The following C4orf33 variants were observed in gnomAD, a reference collection of about 807,000 sequenced individuals.
The protein encoded by C4orf33 is UPF0462 protein C4orf33.
In C4orf33, 20 loss-of-function variants were observed where a neutral mutation model predicts 24.3. That is an observed-to-expected ratio of 0.82 (90% CI 0.58 to 1.19). The LOEUF (loss-of-function observed/expected upper bound fraction) is 1.19. C4orf33 is among the 50% of genes most tolerant of loss of function. The pLI, the probability that C4orf33 is intolerant of heterozygous loss-of-function variation, is 0.00. For synonymous variants in C4orf33, 67 were observed against 76.4 expected (o/e 0.88, Z 0.64); for missense variants, 207 against 225.9 (o/e 0.92, Z 0.54).
rs115217391 is a variant in C4orf33 at position 129,096,923 on chromosome 4, T to A, written c.-10+714T>A. ...TAAATTAGACTTAAAATATATATATTTTTTTGAGACGGAGTCTTGCTCTGT... is the reference window on the plus strand; with the variant it reads ...TAAATTAGACTTAAAATATATATATATTTTTGAGACGGAGTCTTGCTCTGT... On this transcript the variant is annotated intron_variant, in intron 1 of 5. Transcript: ENST00000425929. Among the ~76,000 whole-genome samples, 1,265 of 152,192 alleles carry A rather than the reference T, an allele frequency of 8.3e-3. 14 individuals carry two copies. The highest frequency in any genetic ancestry group is 0.028 in the African/African-American group (1,158 of 41,494).
At chr4:129,102,980 A>C in intron 2 of C4orf33, 189 bp downstream of exon 2, 1 of 456,488 alleles carries the variant, frequency 2.2e-6, no homozygotes, top group Non-Finnish European at 3.8e-6. Flanking sequence ...TAACTATATA[A>C]CAAAAACAGT....
chr4:129,109,709 A>C (rs779415757), intron 5 of C4orf33, 37 bp downstream of exon 5: 1 of 1,563,158 alleles, frequency 6.4e-7, no homozygotes, highest in South Asian at 1.1e-5. Context: ...TTCCAAATAC[A>C]CGAGTTTTTT....
Position 129,109,586 on chromosome 4 carries a change from A to G in C4orf33, c.408A>G (p.Ala136=). The G allele has an allele frequency of 6.2e-7, 1 of 1,614,074 alleles. No individual in the cohort carries two copies. The highest frequency in any genetic ancestry group is 8.5e-7 in the Non-Finnish European group (1 of 1,179,930). Reference sequence around the variant, plus strand: ...ATGTGACAAAATTCAATTCATTTGCAATTCATGGATCAAAAGATAAACGAA... The same window carrying G: ...ATGTGACAAAATTCAATTCATTTGCGATTCATGGATCAAAAGATAAACGAA... ...PPNVTKFNSF[A]IHGSKDKRSY... Residue 136 remains alanine, a synonymous_variant, in exon 5 of 6, where the codon GCA becomes GCG. Coordinates refer to ENST00000425929, the MANE Select transcript of C4orf33 (RefSeq NM_001099783.2).
In C4orf33 at chr4:129,116,284, A is replaced by T. The variant is rs1050111860; in HGVS notation, c.*4493A>T. The T allele has an allele frequency of 6.6e-6, 1 of 152,230 alleles. No individual in the cohort carries two copies. The highest frequency in any genetic ancestry group is 6.5e-5 in the Admixed American group (1 of 15,278). The allele number at this position is 152,230 out of a possible 1,614,324, so 9.4% of individuals were successfully genotyped here. A position where few individuals can be genotyped will look rare whatever the true frequency, so the allele number is the denominator to read the frequency against. On this transcript the variant is annotated 3_prime_UTR_variant, in exon 6 of 6. Transcript: ENST00000425929. ...GAAATAGGAAATGCTGTCAAATGACATTTCACTTTACTACTTATTTGAATT... is the reference window on the plus strand; with the variant it reads ...GAAATAGGAAATGCTGTCAAATGACTTTTCACTTTACTACTTATTTGAATT...
At chr4:129,093,792 T>C (rs1225076537), upstream of C4orf33, 1 of 152,836 alleles carries the variant, frequency 6.5e-6, no homozygotes, top group African/African-American at 2.4e-5. Context: ...CCAACCTCTT[T>C]AAAACAAACA....
chr4:129,106,626 AT>A lies in C4orf33; in HGVS notation c.224del (p.Leu75Ter). ...AFFLNDITEQ[Y>X]LEVELCPHGQ... ...TTCTTGAATGATATAACTGAGCAAT[AT>A]TTAGAAGTTGAACTTTGTCCGTAAG... On this transcript the variant is annotated frameshift_variant, in exon 3 of 6. Coordinates refer to ENST00000425929, the MANE Select transcript of C4orf33 (RefSeq NM_001099783.2). LOFTEE classifies it high-confidence loss of function. 1 of 1,543,006 alleles carries A rather than the reference AT, an allele frequency of 6.5e-7. No individual in the cohort carries two copies. The highest frequency in any genetic ancestry group is 8.8e-7 in the Non-Finnish European group (1 of 1,130,956).
At chr4:129,106,532 A>G in intron 2 of C4orf33, 55 bp from the exon 3 acceptor site, 3 of 843,138 alleles carry the variant, frequency 3.6e-6, no homozygotes, top group Non-Finnish European at 5.7e-6. Context: ...TAAATTATTT[A>G]TTGTTGGAAA....
chr4:129,095,017 G>A (rs1391386065), upstream of C4orf33, among the ~76,000 whole-genome samples: 2 of 152,154 alleles, frequency 1.3e-5, no homozygotes, highest in Admixed American at 6.5e-5. Flanking sequence ...TAACTGATGA[G>A]TGGTATTTAC....
At position 129,116,106 on chromosome 4, in the gene C4orf33, A is replaced by G. The variant is rs918752504; in HGVS notation, c.*4315A>G. 2 of 151,944 alleles carry G rather than the reference A, an allele frequency of 1.3e-5. No individual in the cohort carries two copies. Among genetic ancestry groups the G allele is most frequent in the Admixed American group, 1.3e-4 (2 of 15,254 alleles). The allele number at this position is 151,944 out of a possible 1,614,324, so 9.4% of individuals were successfully genotyped here. On this transcript the variant is annotated 3_prime_UTR_variant, in exon 6 of 6. Transcript: ENST00000425929. ...TGTATGAGGAATATAGGAAGCCAGA[A>G]ATCATGAATCTATGAAAAGTGAGGG... is the stretch of plus-strand genomic sequence containing the variant.
Position 129,113,608 on chromosome 4 carries a change from C to T in C4orf33, c.*1817C>T, listed in dbSNP as rs1753731350. ...TGCAGTGTCAAGCAGATTCTCTCTT[C>T]TCACCACCTAAATAGATTACACAAT... On this transcript the variant is annotated 3_prime_UTR_variant, in exon 6 of 6. Coordinates refer to ENST00000425929, the MANE Select transcript of C4orf33 (RefSeq NM_001099783.2). 6.6e-6 allele frequency: 1 copy of T among 152,092 alleles called. No homozygotes were observed. Among genetic ancestry groups the T allele is most frequent in the Non-Finnish European group, 1.5e-5 (1 of 68,026 alleles). The allele number at this position is 152,092 out of a possible 1,614,324, so 9.4% of individuals were successfully genotyped here.
upstream of C4orf33, among the ~76,000 whole-genome samples, chr4:129,094,448 A>G (rs921534460): frequency 6.6e-6 from 1 of 152,234 alleles, no homozygotes; most frequent in Non-Finnish European, 1.5e-5. Flanking sequence ...GGCATGTCAT[A>G]GATGCAGCTT....
chr4:129,103,054 CTG>C (rs1308556490), intron 2 of C4orf33: 1 of 242,816 alleles, frequency 4.1e-6, no homozygotes, highest in Non-Finnish European at 7.4e-6. Flanking sequence ...GAGCTTCACT[CTG>C]TTGCCCAGGT....
rs1753628110 is a variant in C4orf33 at position 129,109,631 on chromosome 4, T to C, written c.453T>C (p.Pro151=). Residue 151 remains proline (P), a synonymous_variant, in exon 5 of 6, where the codon CCT becomes CCC. Coordinates refer to ENST00000425929, the MANE Select transcript of C4orf33 (RefSeq NM_001099783.2). ...KDKRSYEALY[P]VPQHELQQGQ... ...AACGAAGTTATGAAGCTCTTTACCC[T>C]GTACCTCAGCATGAACTGCAGCAAG... 4 of 1,613,994 alleles carry C rather than the reference T, an allele frequency of 2.5e-6. No homozygotes were observed. The highest frequency in any genetic ancestry group is 3.4e-6 in the Non-Finnish European group (4 of 1,179,978).
chr4:129,094,307 T>TA (rs1561082783), upstream of C4orf33, among the ~76,000 whole-genome samples: 23 of 139,500 alleles, frequency 1.6e-4, no homozygotes, highest in South Asian at 4.8e-4. Context: ...ACGTATTTTT[T>TA]TAAAAAAAAT....
intron 2 of C4orf33, among the ~76,000 whole-genome samples, chr4:129,104,786 G>T (rs1345383403): frequency 3.3e-5 from 5 of 152,128 alleles, no homozygotes; most frequent in Non-Finnish European, 7.3e-5. Flanking sequence ...AGCAATGCAT[G>T]CATCCTCCAT....
Position 129,109,523 on chromosome 4 carries a change from A to C in C4orf33, c.345A>C (p.Glu115Asp). ...TGTCCAGAGGAGAGACAAAATGGGAAGGCAAAGCTTATCTCCCTTGGAGTT... is the reference window on the plus strand; with the variant it reads ...TGTCCAGAGGAGAGACAAAATGGGACGGCAAAGCTTATCTCCCTTGGAGTT... ...FRMSRGETKW[E>D]GKAYLPWSYF... Residue 115 changes from glutamate to aspartate, a missense_variant, in exon 5 of 6, where the codon GAA becomes GAC. Coordinates refer to ENST00000425929, the MANE Select transcript of C4orf33 (RefSeq NM_001099783.2). 1 of 1,614,004 alleles carries C rather than the reference A, an allele frequency of 6.2e-7. No homozygotes were observed. Among genetic ancestry groups the C allele is most frequent in the Non-Finnish European group, 8.5e-7 (1 of 1,179,860 alleles).
chr4:129,110,014 T>C (rs935047714), intron 5 of C4orf33: 64 of 1,070,014 alleles, frequency 6.0e-5, no homozygotes, highest in Non-Finnish European at 6.6e-5. Flanking sequence ...GAGGCATCAG[T>C]GTTTCCTGGT....
chr4:129,109,605 A>G lies in C4orf33; in HGVS notation c.427A>G (p.Lys143Glu). The G allele has an allele frequency of 6.2e-7, 1 of 1,614,096 alleles. No homozygotes were observed. Among genetic ancestry groups the G allele is most frequent in the Non-Finnish European group, 8.5e-7 (1 of 1,179,988 alleles). The change falls in exon 5 of 6, where the codon AAA (lysine) becomes GAA (glutamate). Residue 143 changes from lysine (K) to glutamate (E), a missense_variant. By Grantham distance (56) the Lys-to-Glu change is moderately conservative (BLOSUM62 1). Coordinates refer to ENST00000425929, the MANE Select transcript of C4orf33 (RefSeq NM_001099783.2). Reference protein sequence around the residue: ...NSFAIHGSKDKRSYEALYPVP... With the variant: ...NSFAIHGSKDERSYEALYPVP... ...ATTTGCAATTCATGGATCAAAAGAT[A>G]AACGAAGTTATGAAGCTCTTTACCC...
Position 129,111,799 on chromosome 4 carries a change from A to G in C4orf33, c.*8A>G. ...GAGAAATGTGATATATAGGAGTAAT[A>G]GATAACCATACCGATCATTTTTTCC... On this transcript the variant is annotated 3_prime_UTR_variant, in exon 6 of 6. Coordinates refer to ENST00000425929, the MANE Select transcript of C4orf33 (RefSeq NM_001099783.2). The G allele has an allele frequency of 6.7e-7, 1 of 1,493,088 alleles. No individual in the cohort carries two copies. Among genetic ancestry groups the G allele is most frequent in the South Asian group, 1.2e-5 (1 of 85,752 alleles). 92.5% of individuals were successfully genotyped at this position (1,493,088 alleles called of 1,614,324 possible).
Sources: allele counts gnomAD v4.1 joint callset (sites outside exome capture counted in the v4.1 genomes callset), GRCh38; gene constraint gnomAD v4.1.1; transcripts MANE v1.5; gene names NCBI Gene and HGNC (gene_info 2026-07-23, HGNC 2026-07-21).